SYT13: variants seen among roughly 807,000 people sequenced by gnomAD.
SYT13 encodes the protein synaptotagmin-13.
Under a neutral mutation model 38.6 loss-of-function variants are expected in SYT13, and 21 were observed. That is an observed-to-expected ratio of 0.54 (90% confidence interval 0.39 to 0.78). The LOEUF is 0.78. Ranked by LOEUF, SYT13 falls within the 30% of genes least tolerant of loss-of-function variation. The pLI, the probability that SYT13 is intolerant of heterozygous loss-of-function variation, is 0.00. For synonymous variants in SYT13, 241 were observed against 237.6 expected (o/e 1.01, Z -0.13); for missense variants, 495 against 548.7 (o/e 0.90, Z 0.98).
intron 1 of SYT13, among the ~76,000 whole-genome samples, chr11:45,276,355 T>C (rs998338058): frequency 6.6e-6 from 1 of 152,176 alleles, no homozygotes; most frequent in Non-Finnish European, 1.5e-5. Context: ...CACCACATGT[T>C]CTCACTCATA....
At chr11:45,246,241 C>A in intron 5 of SYT13, 142 bp downstream of exon 5, 2 of 1,223,744 alleles carry the variant, frequency 1.6e-6, no homozygotes, top group Non-Finnish European at 1.1e-6. Context: ...GGGTGAAGAA[C>A]ACCGCTGAGC....
intron 1 of SYT13, among the ~76,000 whole-genome samples, chr11:45,259,134 A>G (rs1315416407): frequency 2.6e-5 from 4 of 152,110 alleles, no homozygotes; most frequent in African/African-American, 9.7e-5. Flanking sequence ...TGGCAATCAC[A>G]GCATCTCAGG....
At chr11:45,251,215 C>T (rs1854669742) in intron 4 of SYT13, among the ~76,000 whole-genome samples, 1 of 151,506 alleles carries the variant, frequency 6.6e-6, no homozygotes, top group African/African-American at 2.4e-5. Flanking sequence ...ATGGTGAAAC[C>T]CTGTCTCTAC....
At chr11:45,263,670 C>T (rs1854847163) in intron 1 of SYT13, among the ~76,000 whole-genome samples, 1 of 152,208 alleles carries the variant, frequency 6.6e-6, no homozygotes, top group Admixed American at 6.5e-5. Context: ...GCAAAGGGAC[C>T]TGCAAGAGTC....
intron 1 of SYT13, among the ~76,000 whole-genome samples, chr11:45,277,489 G>GAATA (rs1218512099): frequency 6.6e-6 from 1 of 152,166 alleles, no homozygotes; most frequent in East Asian, 1.9e-4. Context: ...ATGAATGCAT[G>GAATA]AATAAATAAA....
At chr11:45,276,734 T>G (rs1026266356) in intron 1 of SYT13, among the ~76,000 whole-genome samples, 1 of 151,168 alleles carries the variant, frequency 6.6e-6, no homozygotes, top group Admixed American at 6.6e-5. Flanking sequence ...ATAAATAAAA[T>G]AAATAAAAAT....
In SYT13 at chr11:45,252,684, C is replaced by T. The variant is rs146853860; in HGVS notation, c.583G>A (p.Val195Ile). The stretch of plus-strand genomic sequence containing the variant: ...GTCCTATTGGCCACACTCCCTTGGA[C>T]GTAGCAGTCACAGCCTCCGTCGTGG... Reference protein sequence around the residue: ...SNHDGGCDCYVQGSVANRTGS... With the variant: ...SNHDGGCDCYIQGSVANRTGS... Residue 195 changes from valine (V) to isoleucine (I), a missense_variant, in exon 4 of 6, where the codon GTC becomes ATC. Transcript: ENST00000020926. The surrounding 1 kb of genome is among the most constrained non-coding windows in gnomAD (Gnocchi z 4.3). 4,772 of 1,594,198 alleles carry T rather than the reference C, an allele frequency of 3.0e-3. 5 individuals carry two copies. The highest frequency in any genetic ancestry group is 3.5e-3 in the Non-Finnish European group (4,119 of 1,164,792).
At chr11:45,250,301 G>C (rs1854656965) in intron 4 of SYT13, among the ~76,000 whole-genome samples, 1 of 152,234 alleles carries the variant, frequency 6.6e-6, no homozygotes, top group Non-Finnish European at 1.5e-5. Flanking sequence ...TATTAGGATG[G>C]ATGAGCTGCA....
intron 1 of SYT13, among the ~76,000 whole-genome samples, chr11:45,282,914 G>A (rs1301995885): frequency 6.6e-6 from 1 of 152,182 alleles, no homozygotes; most frequent in African/African-American, 2.4e-5. Flanking sequence ...TTGAGAGGCT[G>A]AGGCAGGCAA....
rs1191135418 is a variant in SYT13, at chr11:45,275,622, AATTACAGCACCCTTTATCTAATGAAT to A, written c.183+10377_183+10402del. Reference sequence around the variant, plus strand: ...CCAGGACTTTTCTATAACATAAGGCAATTACAGCACCCTTTATCTAATGAATTGGGACTTATTGAACTCCTCCTGAA... The same window carrying A: ...CCAGGACTTTTCTATAACATAAGGCATGGGACTTATTGAACTCCTCCTGAA... On this transcript the variant is annotated intron_variant, in intron 1 of 5. Coordinates refer to ENST00000020926, the MANE Select transcript of SYT13 (RefSeq NM_020826.3). 6.6e-5 allele frequency among the ~76,000 whole-genome samples: 10 copies of A among 152,346 alleles called. No individual in the cohort carries two copies. The South Asian group carries it at 1.7e-3, about 25-fold the overall frequency.
intron 1 of SYT13, among the ~76,000 whole-genome samples, chr11:45,270,329 T>C (rs1854934858): frequency 1.3e-5 from 2 of 152,234 alleles, no homozygotes; most frequent in South Asian, 4.1e-4. Context: ...AATTTGTGTT[T>C]CTAATTTAAT....
At chr11:45,280,359 T>C (rs1285771246) in intron 1 of SYT13, among the ~76,000 whole-genome samples, 1 of 151,964 alleles carries the variant, frequency 6.6e-6, no homozygotes, top group Non-Finnish European at 1.5e-5. Flanking sequence ...GAAGAAGCAA[T>C]TTATTAAAAA....
intron 1 of SYT13, among the ~76,000 whole-genome samples, chr11:45,261,644 G>A (rs1016012228): frequency 1.3e-5 from 2 of 149,498 alleles, no homozygotes; most frequent in Non-Finnish European, 3.0e-5. Context: ...AGCCAGCCAC[G>A]GTGACTCATG....
Position 45,243,896 on chromosome 11 carries a change from T to C in SYT13, c.*156A>G. 1 of 771,072 alleles carries C rather than the reference T, an allele frequency of 1.3e-6. No homozygotes were observed. The highest frequency in any genetic ancestry group is 1.8e-5 in the South Asian group (1 of 56,018). 47.8% of individuals were successfully genotyped at this position (771,072 alleles called of 1,614,324 possible). A position where few individuals can be genotyped will look rare whatever the true frequency, so the allele number is the denominator to read the frequency against. On this transcript the variant is annotated 3_prime_UTR_variant, in exon 6 of 6. Coordinates refer to ENST00000020926, the MANE Select transcript of SYT13 (RefSeq NM_020826.3). ...TCCATTTCCTGCTCTGTCTTGCTTA[T>C]TTCTAAGAAACAAGAGTATGATGAG... is the stretch of plus-strand genomic sequence containing the variant.
At chr11:45,251,112 G>A (rs1050329947) in intron 4 of SYT13, among the ~76,000 whole-genome samples, 6 of 151,966 alleles carry the variant, frequency 3.9e-5, no homozygotes, top group Non-Finnish European at 5.9e-5. Context: ...ACCCTTGGCC[G>A]GGTGCAGTGA....
In SYT13 at chr11:45,269,505, T is replaced by A. The variant is rs1188246634; in HGVS notation, c.184-13614A>T. 5.5e-6 allele frequency: 7 copies of A among 1,283,116 alleles called. No homozygotes were observed. The African/African-American group carries it at 9.1e-5, about 17-fold the overall frequency. 79.5% of individuals were successfully genotyped at this position (1,283,116 alleles called of 1,614,324 possible). A position where few individuals can be genotyped will look rare whatever the true frequency, so the allele number is the denominator to read the frequency against. On this transcript the variant is annotated intron_variant, in intron 1 of 5. Coordinates refer to ENST00000020926, the MANE Select transcript of SYT13 (RefSeq NM_020826.3). ...CTCTGTAAACTTCATATGTAACAGATGCTCTGCAATGCACAACACAAACTT... is the reference window on the plus strand; with the variant it reads ...CTCTGTAAACTTCATATGTAACAGAAGCTCTGCAATGCACAACACAAACTT...
chr11:45,246,653 G>A, intron 4 of SYT13, 141 bp from the exon 5 acceptor site: 2 of 1,236,120 alleles, frequency 1.6e-6, no homozygotes, highest in Admixed American at 2.6e-5. Flanking sequence ...ATGCTGGGGT[G>A]TCCACCCTTG....
rs549078207 is a variant in SYT13, at chr11:45,271,303, T to C, written c.183+14722A>G. On this transcript the variant is annotated intron_variant, in intron 1 of 5. Transcript: ENST00000020926. The stretch of plus-strand genomic sequence containing the variant: ...TAGAAGACAGTCTTAAAAAGCCAAA[T>C]ACCTGGACTGTAGGCTACATAAGAC... 3.9e-5 allele frequency among the ~76,000 whole-genome samples: 6 copies of C among 152,274 alleles called. No individual in the cohort carries two copies. In the South Asian group the frequency reaches 1.0e-3, roughly 26 times the overall value.
rs1854557529 is a variant in SYT13 at position 45,242,005 on chromosome 11, A to G, written c.*2047T>C. On this transcript the variant is annotated 3_prime_UTR_variant, in exon 6 of 6. Transcript: ENST00000020926. ...TAGAAGTTATTTCTAATGCTTTTCT[A>G]TTTCTGTACAGAAAGAAAAAATAAT... is the stretch of plus-strand genomic sequence containing the variant. 1 of 152,154 alleles carries G rather than the reference A, an allele frequency of 6.6e-6. No individual in the cohort carries two copies. The highest frequency in any genetic ancestry group is 2.4e-5 in the African/African-American group (1 of 41,448). 9.4% of individuals were successfully genotyped at this position (152,154 alleles called of 1,614,324 possible). A position where few individuals can be genotyped will look rare whatever the true frequency, so the allele number is the denominator to read the frequency against.
Sources: allele counts gnomAD v4.1 joint callset (sites outside exome capture counted in the v4.1 genomes callset), GRCh38; gene constraint gnomAD v4.1.1; non-coding constraint Gnocchi (gnomAD v3.1); transcripts MANE v1.5; gene names NCBI Gene and HGNC (gene_info 2026-07-23, HGNC 2026-07-21).